WRN: variants seen among roughly 807,000 people sequenced by gnomAD.
The protein encoded by WRN is WRN RecQ like helicase.
Under a neutral mutation model 180.7 loss-of-function variants are expected in WRN, and 149 were observed. The ratio of observed to expected loss-of-function variants is 0.82; its 90% CI spans 0.72 to 0.94. WRN has a LOEUF of 0.94. WRN is among the 40% of genes least tolerant of loss of function. WRN has a pLI of 0.00. For missense variants in WRN, 1,661 were observed against 1,700.1 expected, an observed-to-expected ratio of 0.98 and a Z score of 0.40; for synonymous variants, 548 against 568.9, an observed-to-expected ratio of 0.96 and a Z score of 0.52.
chr8:31,081,097 A>G lies in WRN; in HGVS notation c.1070A>G (p.His357Arg), dbSNP rs372907716. Reference sequence around the variant, plus strand: ...CCAACACTTGATCATTTAGCTAAACATGATGGAGAAGATGTACTTGGAAAT... The same window carrying G: ...CCAACACTTGATCATTTAGCTAAACGTGATGGAGAAGATGTACTTGGAAAT... ...WDPTLDHLAKHDGEDVLGNKV... is the reference protein window; with the variant it reads ...WDPTLDHLAKRDGEDVLGNKV... Residue 357 changes from histidine to arginine, a missense_variant, in exon 9 of 35, where the codon CAT (histidine) becomes CGT (arginine). Physicochemically the swap from His to Arg is conservative, Grantham distance 29 (BLOSUM62 0). This residue lies in a region of WRN where 500 missense variants were observed against 504.1 expected (regional missense o/e 0.99). Coordinates refer to ENST00000298139, the MANE Select transcript of WRN (RefSeq NM_000553.6). The G allele has an allele frequency of 1.9e-6, 3 of 1,613,974 alleles. No individual in the cohort carries two copies. Among genetic ancestry groups the G allele is most frequent in the African/African-American group, 1.3e-5 (1 of 74,932 alleles).
chr8:31,087,876 A>G lies in WRN; in HGVS notation c.1532A>G (p.Asp511Gly), dbSNP rs761259830. The change falls in exon 12 of 35, where the codon GAT becomes GGT. Residue 511 changes from aspartate to glycine, a missense_variant. By Grantham distance (94) the Asp-to-Gly change is moderately conservative (BLOSUM62 -1). Coordinates refer to ENST00000298139, the MANE Select transcript of WRN (RefSeq NM_000553.6). ...CTTCCTACTAAAGAAGAAGAAGAAG[A>G]TGATGAAAATGAAGCTAATGAAGGG... is the stretch of plus-strand genomic sequence containing the variant. ...LGLPTKEEEEDDENEANEGEE... is the reference protein window; with the variant it reads ...LGLPTKEEEEGDENEANEGEE... 1 of 1,613,720 alleles carries G rather than the reference A, an allele frequency of 6.2e-7. No homozygotes were observed. Among genetic ancestry groups the G allele is most frequent in the East Asian group, 2.2e-5 (1 of 44,856 alleles).
At position 31,092,007 on chromosome 8, in the gene WRN, G is replaced by C. The variant is rs2130179686; in HGVS notation, c.1898+109G>C. On this transcript the variant is annotated intron_variant, in intron 16 of 34. Coordinates refer to ENST00000298139, the MANE Select transcript of WRN (RefSeq NM_000553.6). The stretch of plus-strand genomic sequence containing the variant: ...GCTGAGGAAGTTGTGAGTAATTTAT[G>C]TCATTTCTAATCATGTGGTCAGATG... The C allele has an allele frequency of 5.9e-6, 6 of 1,012,748 alleles. No homozygotes were observed. The South Asian group carries it at 8.1e-5, about 14-fold the overall frequency. The allele number at this position is 1,012,748 out of a possible 1,614,324, so 62.7% of individuals were successfully genotyped here.
chr8:31,081,075 A>G lies in WRN; in HGVS notation c.1048A>G (p.Thr350Ala), dbSNP rs1209215928. The change falls in exon 9 of 35, where the codon ACA becomes GCA. Residue 350 changes from threonine (T) to alanine (A), a missense_variant. Around this residue, in one of 3 missense-constraint regions of WRN, gnomAD observed 500 missense variants for 504.1 expected, o/e 0.99. Coordinates refer to ENST00000298139, the MANE Select transcript of WRN (RefSeq NM_000553.6). ...CGTTGAAGATGAAACATGGGACCCAACACTTGATCATTTAGCTAAACATGA... is the reference window on the plus strand; with the variant it reads ...CGTTGAAGATGAAACATGGGACCCAGCACTTGATCATTTAGCTAAACATGA... ...IHVEDETWDP[T>A]LDHLAKHDGE... The G allele has an allele frequency of 6.2e-7, 1 of 1,614,100 alleles. No homozygotes were observed.
At position 31,155,330 on chromosome 8, in the gene WRN, G is replaced by A. The variant is rs574892550; in HGVS notation, c.3819+575G>A. Among the ~76,000 whole-genome samples the A allele has an allele frequency of 1.0e-3, 152 of 152,170 alleles. 1 individual carries two copies. Among genetic ancestry groups the A allele is most frequent in the African/African-American group, 3.5e-3 (146 of 41,536 alleles). On this transcript the variant is annotated intron_variant, in intron 32 of 34. Coordinates refer to ENST00000298139, the MANE Select transcript of WRN (RefSeq NM_000553.6). ...AAACAATCTAATTGCTGTAACAAATGACCATACGTAGGCCGGGTGTGGTGG... is the reference window on the plus strand; with the variant it reads ...AAACAATCTAATTGCTGTAACAAATAACCATACGTAGGCCGGGTGTGGTGG...
At chr8:31,136,102 C>T (rs1802387690) in intron 24 of WRN, among the ~76,000 whole-genome samples, 1 of 152,152 alleles carries the variant, frequency 6.6e-6, no homozygotes, top group African/African-American at 2.4e-5. Context: ...CCAGTTCAAG[C>T]GATCCTACTT....
intron 18 of WRN, among the ~76,000 whole-genome samples, chr8:31,104,844 A>G (rs1801032047): frequency 6.6e-6 from 1 of 152,134 alleles, no homozygotes; most frequent in Admixed American, 6.5e-5. Context: ...CTAGCCTGTT[A>G]TATTAATTTT....
chr8:31,128,686 C>T (rs573962185), intron 23 of WRN, among the ~76,000 whole-genome samples: 1 of 152,224 alleles, frequency 6.6e-6, no homozygotes, highest in East Asian at 1.9e-4. Flanking sequence ...GATGAAACGC[C>T]GTCTCTACTA....
chr8:31,059,180 G>A lies in WRN; in HGVS notation c.124G>A (p.Asp42Asn). The change falls in exon 3 of 35, where the codon GAT becomes AAT. Residue 42 changes from aspartate (D) to asparagine (N), a missense_variant. Asp to Asn is a conservative substitution (Grantham distance 23). Transcript: ENST00000298139. Reference protein sequence around the residue: ...KACVRKSVFEDDLPFLEFTGS... With the variant: ...KACVRKSVFENDLPFLEFTGS... Reference sequence around the variant, plus strand: ...ATGTGTTCGGAAGAGTGTTTTTGAAGATGACCTCCCCTTCTTAGAATTCAC... The same window carrying A: ...ATGTGTTCGGAAGAGTGTTTTTGAAAATGACCTCCCCTTCTTAGAATTCAC... 1 of 1,613,812 alleles carries A rather than the reference G, an allele frequency of 6.2e-7. No homozygotes were observed. Among genetic ancestry groups the A allele is most frequent in the Non-Finnish European group, 8.5e-7 (1 of 1,179,860 alleles).
intron 8 of WRN, among the ~76,000 whole-genome samples, chr8:31,078,398 G>A (rs565419647): frequency 5.9e-5 from 9 of 152,260 alleles, no homozygotes; most frequent in African/African-American, 2.2e-4. Flanking sequence ...ATGTATTCCA[G>A]CTTACTTTCG....
intron 24 of WRN, among the ~76,000 whole-genome samples, chr8:31,133,117 T>C (rs1273579955): frequency 2.0e-5 from 3 of 152,200 alleles, no homozygotes; most frequent in South Asian, 2.1e-4. Flanking sequence ...GGTACAAATG[T>C]GAATAAGATA....
chr8:31,146,934 A>G (rs1311261390), intron 28 of WRN, 119 bp from the exon 29 acceptor site: 2 of 790,338 alleles, frequency 2.5e-6, no homozygotes, highest in South Asian at 1.9e-5. Context: ...CCTTACTGGT[A>G]TCATGAAGAA....
In WRN at chr8:31,154,671, T is replaced by C. The variant is rs1301831616; in HGVS notation, c.3735T>C (p.Ser1245=). ...AACCTCAAGAAGAACAGAAGACGAG[T>C]CTGGTAGCAAAAAATAAAATATGCA... is the stretch of plus-strand genomic sequence containing the variant. ...STKPQEEQKT[S]LVAKNKICTL... is the part of the protein sequence containing the mutation. Residue 1245 remains serine (S), a synonymous_variant, in exon 32 of 35, where the codon AGT becomes AGC. Transcript: ENST00000298139. The C allele has an allele frequency of 6.2e-7, 1 of 1,613,444 alleles. No individual in the cohort carries two copies. The highest frequency in any genetic ancestry group is 8.5e-7 in the Non-Finnish European group (1 of 1,179,678).
At chr8:31,091,580 C>A (rs1813747708) in intron 15 of WRN, among the ~76,000 whole-genome samples, 1 of 151,962 alleles carries the variant, frequency 6.6e-6, no homozygotes, top group Non-Finnish European at 1.5e-5. Flanking sequence ...TTCTAGCAAC[C>A]TATTCCTTTA....
chr8:31,048,992 AG>A (rs960931747), intron 1 of WRN, among the ~76,000 whole-genome samples: 3 of 152,020 alleles, frequency 2.0e-5, no homozygotes, highest in African/African-American at 7.2e-5. Flanking sequence ...TCTGCAGTAT[AG>A]TTAAAGAGAA....
intron 33 of WRN, among the ~76,000 whole-genome samples, chr8:31,160,708 G>C (rs566335490): frequency 2.0e-3 from 309 of 152,268 alleles, no homozygotes; most frequent in African/African-American, 7.0e-3. Flanking sequence ...GTGCAGGCTG[G>C]GCACAGTGGC....
intron 19 of WRN, among the ~76,000 whole-genome samples, chr8:31,113,746 T>C (rs1190738812): frequency 1.3e-5 from 2 of 152,184 alleles, no homozygotes; most frequent in African/African-American, 4.8e-5. Flanking sequence ...TGCAAATGTT[T>C]CTTTCTGTTT....
rs73581722 is a variant in WRN at position 31,092,189 on chromosome 8, T to C, written c.1898+291T>C. 0.018 allele frequency among the ~76,000 whole-genome samples: 2,789 copies of C among 152,206 alleles called. 70 individuals are homozygous for C. Among genetic ancestry groups the C allele is most frequent in the African/African-American group, 0.064 (2,665 of 41,524 alleles). On this transcript the variant is annotated intron_variant, in intron 16 of 34. Coordinates refer to ENST00000298139, the MANE Select transcript of WRN (RefSeq NM_000553.6). Reference sequence around the variant, plus strand: ...GAAGAAATCTGTTATTCTCGGTTCTTGGGCTATAAGATTAGCATTGTACTC... The same window carrying C: ...GAAGAAATCTGTTATTCTCGGTTCTCGGGCTATAAGATTAGCATTGTACTC...
At chr8:31,169,921 G>A (rs983242456) in intron 34 of WRN, among the ~76,000 whole-genome samples, 3 of 152,070 alleles carry the variant, frequency 2.0e-5, no homozygotes, top group Non-Finnish European at 4.4e-5. Context: ...TGGATTCCTT[G>A]TACTCACTTG....
At chr8:31,130,619 T>A (rs1481818008) in intron 23 of WRN, among the ~76,000 whole-genome samples, 1 of 658 alleles carries the variant, frequency 1.5e-3, no homozygotes, top group African/African-American at 3.0e-3. Flanking sequence ...AGGATTTGGG[T>A]TTTTTTTTTT....
Sources: gnomAD v4.1 joint callset for allele counts (sites outside exome capture counted in the v4.1 genomes callset) on GRCh38, gnomAD v4.1.1 for gene constraint, gnomAD v4.1.1 regional missense constraint, MANE v1.5 for transcripts, NCBI Gene and HGNC (gene_info 2026-07-23, HGNC 2026-07-21) for gene names.